The following KLHL18 variants were observed in gnomAD, a reference collection of about 807,000 sequenced individuals.
The protein encoded by KLHL18 is kelch-like protein 18.
Under a neutral mutation model 58.5 loss-of-function variants are expected in KLHL18, and 38 were observed. The ratio of observed to expected loss-of-function variants is 0.65; its 90% CI spans 0.50 to 0.85. The LOEUF (loss-of-function observed/expected upper bound fraction) is 0.85, where lower values mean the gene tolerates loss of function less well. Ranked by LOEUF, KLHL18 falls within the 40% of genes least tolerant of loss-of-function variation. KLHL18 has a pLI of 0.00. For synonymous variants in KLHL18, 303 were observed against 301.9 expected (o/e 1.00, Z -0.04); for missense variants, 624 against 778.4 (o/e 0.80, Z 2.36).
chr3:47,322,469 G>A lies in KLHL18; in HGVS notation c.261-99G>A, dbSNP rs144785724. 4 of 1,198,778 alleles carry A rather than the reference G, an allele frequency of 3.3e-6. No homozygotes were observed. In the African/African-American group the frequency reaches 4.7e-5, roughly 14 times the overall value. 74.3% of individuals were successfully genotyped at this position (1,198,778 alleles called of 1,614,324 possible). A position where few individuals can be genotyped will look rare whatever the true frequency, so the allele number is the denominator to read the frequency against. On this transcript the variant is annotated intron_variant, in intron 2 of 9. Transcript: ENST00000232766. ...TACTCCATTAGATAGATTCTCAAAGGGCCTGGGCTAAGTAATGTCAGTTCA... is the reference window on the plus strand; with the variant it reads ...TACTCCATTAGATAGATTCTCAAAGAGCCTGGGCTAAGTAATGTCAGTTCA...
chr3:47,283,709 C>G (rs1378450766), intron 1 of KLHL18, among the ~76,000 whole-genome samples: 1 of 152,180 alleles, frequency 6.6e-6, no homozygotes. Context: ...GAGAGGGATG[C>G]TGACTGATAT....
intron 9 of KLHL18, 114 bp from the exon 10 acceptor site, chr3:47,343,441 A>G (rs1400878230): frequency 3.9e-6 from 5 of 1,277,638 alleles, no homozygotes; most frequent in Non-Finnish European, 5.5e-6. Flanking sequence ...CCTTGTCCCC[A>G]TACCTCCCAC....
intron 1 of KLHL18, among the ~76,000 whole-genome samples, chr3:47,309,298 G>A (rs547176439): frequency 1.3e-3 from 198 of 152,226 alleles, no homozygotes; most frequent in African/African-American, 4.6e-3. Context: ...CCTCCCAGAC[G>A]GGGCGGCGGC....
intron 3 of KLHL18, among the ~76,000 whole-genome samples, chr3:47,326,565 C>T (rs1020749507): frequency 1.4e-4 from 21 of 152,120 alleles, no homozygotes; most frequent in African/African-American, 5.1e-4. Context: ...CTAATTGCCT[C>T]ACAAACAGGC....
At chr3:47,285,629 G>A (rs1472519714) in intron 1 of KLHL18, among the ~76,000 whole-genome samples, 1 of 152,104 alleles carries the variant, frequency 6.6e-6, no homozygotes, top group Non-Finnish European at 1.5e-5. Flanking sequence ...AATCAAAAAG[G>A]GCGTGGCAGC....
intron 1 of KLHL18, among the ~76,000 whole-genome samples, chr3:47,303,896 A>AT (rs55807798): frequency 0.54 from 80,848 of 149,268 alleles, 21,696 homozygotes; most frequent in Non-Finnish European, 0.56. Flanking sequence ...CTAATTTTTA[A>AT]TTTTTTTTTT....
chr3:47,307,157 C>T (rs551707224), intron 1 of KLHL18, among the ~76,000 whole-genome samples: 3 of 152,256 alleles, frequency 2.0e-5, no homozygotes, highest in South Asian at 2.1e-4. Flanking sequence ...CTGCAACGTT[C>T]GCCTCCCGGG....
At chr3:47,299,366 T>G (rs371637833) in intron 1 of KLHL18, among the ~76,000 whole-genome samples, 2 of 147,796 alleles carry the variant, frequency 1.4e-5, no homozygotes, top group African/African-American at 2.5e-5. Context: ...TGAAACCAAC[T>G]TGGGCAACAT....
At chr3:47,296,494 G>A (rs1702899235) in intron 1 of KLHL18, among the ~76,000 whole-genome samples, 1 of 152,082 alleles carries the variant, frequency 6.6e-6, no homozygotes, top group Non-Finnish European at 1.5e-5. Context: ...TAGATGAGTG[G>A]GGAAGATAGA....
rs767276527 is a variant in KLHL18, at chr3:47,284,337, CT to C, written c.129+1260del. 5.5e-3 allele frequency among the ~76,000 whole-genome samples: 693 copies of C among 127,112 alleles called. 3 individuals are homozygous for C. Among genetic ancestry groups the C allele is most frequent in the African/African-American group, 0.017 (584 of 35,062 alleles). The allele number at this position is 127,112 out of a possible 152,430, so 83.4% of individuals were successfully genotyped here. ...TTCTTTTGCTCTTCTTTTCTTTTTT[CT>C]TTTTTTTTTTTTTTTTGAGACGGAG... On this transcript the variant is annotated intron_variant, in intron 1 of 9. Transcript: ENST00000232766.
chr3:47,325,200 G>A (rs181179352), intron 3 of KLHL18, among the ~76,000 whole-genome samples: 7 of 151,586 alleles, frequency 4.6e-5, no homozygotes, highest in African/African-American at 1.2e-4. Context: ...TTTTTAAGGC[G>A]GAGCCTTGCT....
intron 3 of KLHL18, among the ~76,000 whole-genome samples, chr3:47,327,112 G>A (rs954445890): frequency 6.6e-6 from 1 of 151,752 alleles, no homozygotes; most frequent in African/African-American, 2.4e-5. Context: ...GGTGGCGCAC[G>A]CCTGTAATCC....
chr3:47,304,185 C>T (rs1178634541), intron 1 of KLHL18, among the ~76,000 whole-genome samples: 2 of 152,136 alleles, frequency 1.3e-5, no homozygotes, highest in African/African-American at 4.8e-5. Flanking sequence ...TATTCAAGTT[C>T]CTTTGTCTTT....
chr3:47,324,816 A>G (rs1290387906), intron 3 of KLHL18, among the ~76,000 whole-genome samples: 3 of 152,200 alleles, frequency 2.0e-5, no homozygotes, highest in Non-Finnish European at 4.4e-5. Flanking sequence ...TGGGCAACTG[A>G]GCAAGACTCT....
In KLHL18 at chr3:47,344,014, A is replaced by C; in HGVS notation, c.*73A>C. The C allele has an allele frequency of 6.4e-7, 1 of 1,558,210 alleles. No homozygotes were observed. Among genetic ancestry groups the C allele is most frequent in the Non-Finnish European group, 8.6e-7 (1 of 1,158,944 alleles). On this transcript the variant is annotated 3_prime_UTR_variant, in exon 10 of 10. Coordinates refer to ENST00000232766, the MANE Select transcript of KLHL18 (RefSeq NM_025010.5). ...CGCTTCCTTCCAGGAACAGTCCCTC[A>C]GGAGAGGCAGTGGACCAGAAGAGAT...
intron 5 of KLHL18, among the ~76,000 whole-genome samples, chr3:47,333,692 A>G (rs1261432166): frequency 1.3e-5 from 2 of 152,228 alleles, no homozygotes; most frequent in Non-Finnish European, 2.9e-5. Flanking sequence ...CCTGGGGCTC[A>G]TTGCCCTCTT....
chr3:47,321,894 C>T (rs1299782948), intron 2 of KLHL18, among the ~76,000 whole-genome samples: 1 of 152,036 alleles, frequency 6.6e-6, no homozygotes, highest in Non-Finnish European at 1.5e-5. Context: ...GCAGTCATTG[C>T]AAAGGCCCTG....
At chr3:47,299,109 A>G (rs774703601) in intron 1 of KLHL18, among the ~76,000 whole-genome samples, 1 of 152,224 alleles carries the variant, frequency 6.6e-6, no homozygotes, top group Non-Finnish European at 1.5e-5. Context: ...TTGTCAAACT[A>G]TTTTCCAGAG....
intron 7 of KLHL18, 74 bp downstream of exon 7, chr3:47,336,831 G>A (rs1210799865): frequency 4.3e-6 from 5 of 1,166,384 alleles, no homozygotes; most frequent in Non-Finnish European, 6.4e-6. Flanking sequence ...ACGAGCAGGG[G>A]CACACAGTAG....
Sources: allele counts gnomAD v4.1 joint callset (sites outside exome capture counted in the v4.1 genomes callset), GRCh38; gene constraint gnomAD v4.1.1; transcripts MANE v1.5; gene names NCBI Gene and HGNC (gene_info 2026-07-23, HGNC 2026-07-21).